Variants in HGSNAT observed in about 807,000 individuals in gnomAD.
HGSNAT encodes transmembrane protein 76.
Under a neutral mutation model 85.2 loss-of-function variants are expected in HGSNAT, and 59 were observed. That is an observed-to-expected ratio of 0.69 (90% CI 0.56 to 0.86). HGSNAT has a LOEUF of 0.86. HGSNAT is among the 40% of genes least tolerant of loss of function. The pLI is 0.00. For missense variants in HGSNAT, 756 were observed against 777.1 expected (o/e 0.97, Z 0.32); for synonymous variants, 321 against 304.5 (o/e 1.05, Z -0.56).
At chr8:43,174,539 A>G (rs1215615794) in intron 9 of HGSNAT, among the ~76,000 whole-genome samples, 1 of 152,174 alleles carries the variant, frequency 6.6e-6, no homozygotes, top group African/African-American at 2.4e-5. Flanking sequence ...GTGATGTGGA[A>G]TTTGTATCTT....
intron 1 of HGSNAT, among the ~76,000 whole-genome samples, chr8:43,142,970 C>G (rs1331351916): frequency 6.6e-6 from 1 of 152,138 alleles, no homozygotes; most frequent in Non-Finnish European, 1.5e-5. Flanking sequence ...AGGAAAAGCT[C>G]ATGGCTTCAT....
intron 10 of HGSNAT, among the ~76,000 whole-genome samples, chr8:43,181,105 G>C (rs1804085761): frequency 8.7e-3 from 3 of 346 alleles, no homozygotes; most frequent in Middle Eastern, 0.5. Context: ...GAGGGAGAGG[G>C]AGAGGGAGAG....
chr8:43,176,427 C>A (rs2130762222), intron 9 of HGSNAT, among the ~76,000 whole-genome samples: 1 of 152,270 alleles, frequency 6.6e-6, no homozygotes, highest in African/African-American at 2.4e-5. Context: ...TATGCCACTA[C>A]CATGCTGTTT....
chr8:43,190,465 A>T (rs1804489924), intron 11 of HGSNAT, among the ~76,000 whole-genome samples: 2 of 152,116 alleles, frequency 1.3e-5, no homozygotes, highest in African/African-American at 2.4e-5. Context: ...CTTGTCATTA[A>T]TGTGTCCTCT....
intron 2 of HGSNAT, among the ~76,000 whole-genome samples, chr8:43,156,351 G>A (rs537982689): frequency 2.6e-5 from 4 of 152,050 alleles, no homozygotes; most frequent in Admixed American, 2.6e-4. Context: ...TTTCGCCCAG[G>A]CTGGAGAGAA....
chr8:43,185,045 T>C (rs1417231871), intron 11 of HGSNAT, among the ~76,000 whole-genome samples: 1 of 152,208 alleles, frequency 6.6e-6, no homozygotes, highest in Non-Finnish European at 1.5e-5. Context: ...TGTAGCCTTG[T>C]AGTATAGTTT....
At position 43,169,256 on chromosome 8, in the gene HGSNAT, T is replaced by A; in HGVS notation, c.633+14T>A. 6.5e-7 allele frequency: 1 copy of A among 1,528,504 alleles called. No individual in the cohort carries two copies. The highest frequency in any genetic ancestry group is 8.9e-7 in the Non-Finnish European group (1 of 1,117,338). 94.7% of individuals were successfully genotyped at this position (1,528,504 alleles called of 1,614,324 possible). ...CTCATCAATTCTGTAAGTTATGAGATGCATAGTGTATTGCCCAGGTGGTTT... is the reference window on the plus strand; with the variant it reads ...CTCATCAATTCTGTAAGTTATGAGAAGCATAGTGTATTGCCCAGGTGGTTT... On this transcript the variant is annotated intron_variant, in intron 6 of 17. Transcript: ENST00000379644.
At chr8:43,169,131 G>T (rs1295899367) in intron 5 of HGSNAT, 42 bp from the exon 6 acceptor site, 1 of 1,228,462 alleles carries the variant, frequency 8.1e-7, no homozygotes, top group East Asian at 2.6e-5. Flanking sequence ...AAAAAATTCT[G>T]CCAATGAAAA....
At position 43,191,554 on chromosome 8, in the gene HGSNAT, G is replaced by T. The variant is rs764206492; in HGVS notation, c.1209G>T (p.Trp403Cys). Residue 403 changes from tryptophan to cysteine, a missense_variant, in exon 12 of 18, where the codon TGG becomes TGT. Physicochemically the swap from Trp to Cys is radical, Grantham distance 215. Transcript: ENST00000379644. ...TCATCCTGGTGCTGGAAGGCCTGTG[G>T]CTGGGCTTGACATTCCTCCTGCCAG... Reference protein sequence around the residue: ...WLLILVLEGLWLGLTFLLPVP... With the variant: ...WLLILVLEGLCLGLTFLLPVP... The T allele has an allele frequency of 3.9e-5, 63 of 1,613,882 alleles. No individual in the cohort carries two copies. Among genetic ancestry groups the T allele is most frequent in the Non-Finnish European group, 5.0e-5 (59 of 1,179,906 alleles).
Position 43,178,140 on chromosome 8 carries a change from A to G in HGSNAT, c.918A>G (p.Ser306=), listed in dbSNP as rs1465766340. The change falls in exon 10 of 18, where the codon TCA becomes TCG. Residue 306 remains serine (S), a synonymous_variant. Transcript: ENST00000379644. ...SMTSILQRGC[S]KFRLLGKIAW... is the part of the protein sequence containing the mutation. ...CTTCTATACTGCAACGGGGGTGTTC[A>G]AAATTCAGATTGCTGGGGAAGATTG... The G allele has an allele frequency of 1.2e-6, 2 of 1,607,672 alleles. No individual in the cohort carries two copies. Among genetic ancestry groups the G allele is most frequent in the Admixed American group, 3.4e-5 (2 of 58,712 alleles).
chr8:43,186,168 T>G (rs1039525663), intron 11 of HGSNAT, among the ~76,000 whole-genome samples: 2 of 152,166 alleles, frequency 1.3e-5, no homozygotes, highest in Non-Finnish European at 2.9e-5. Context: ...GAGTTAGGGT[T>G]GATTCCCTCT....
chr8:43,196,999 C>T lies in HGSNAT; in HGVS notation c.1516C>T (p.Arg506Ter), dbSNP rs747240928. ...YKARTKDILIRFTAWCCILGL... is the reference protein window; with the variant it reads ...YKARTKDILI ...GGCTCGGACCAAAGACATCCTGATT[C>T]GATTCACTGCTTGGTGTTGTATTCT... Residue 506 changes from arginine to a stop codon, truncating the protein, a stop_gained, in exon 15 of 18, where the codon CGA becomes TGA. Transcript: ENST00000379644. LOFTEE classifies it high-confidence loss of function. 1.1e-5 allele frequency: 17 copies of T among 1,611,404 alleles called. No homozygotes were observed. Among genetic ancestry groups the T allele is most frequent in the Non-Finnish European group, 1.3e-5 (15 of 1,177,826 alleles).
chr8:43,163,536 T>C (rs78623069), intron 5 of HGSNAT, among the ~76,000 whole-genome samples: 3 of 150,616 alleles, frequency 2.0e-5, no homozygotes, highest in Non-Finnish European at 4.4e-5. Flanking sequence ...TTTTTTTTTT[T>C]AATTTTTTGA....
At chr8:43,174,627 A>T (rs1206067041) in intron 9 of HGSNAT, among the ~76,000 whole-genome samples, 1 of 152,126 alleles carries the variant, frequency 6.6e-6, no homozygotes, top group Non-Finnish European at 1.5e-5. Flanking sequence ...TTTATTTCAA[A>T]TTTTAAATTT....
intron 2 of HGSNAT, among the ~76,000 whole-genome samples, chr8:43,149,396 A>G (rs1401069256): frequency 1.3e-5 from 2 of 152,108 alleles, no homozygotes; most frequent in Non-Finnish European, 2.9e-5. Flanking sequence ...TTGAAATTTA[A>G]TGATAATTTT....
chr8:43,177,998 C>A, intron 9 of HGSNAT, 76 bp from the exon 10 acceptor site: 2 of 1,128,542 alleles, frequency 1.8e-6, no homozygotes, highest in African/African-American at 1.5e-5. Context: ...TCTTTTATAG[C>A]ATATTATAAA....
chr8:43,192,498 G>A, intron 13 of HGSNAT, 68 bp downstream of exon 13: 1 of 1,503,414 alleles, frequency 6.7e-7, no homozygotes, highest in South Asian at 1.3e-5. Context: ...AGTAGAAAGA[G>A]CCAGCAAACG....
rs1803171896 is a variant in HGSNAT, at chr8:43,158,697, G to T, written c.357G>T (p.Glu119Asp). 2 of 1,603,846 alleles carry T rather than the reference G, an allele frequency of 1.2e-6. No homozygotes were observed. The highest frequency in any genetic ancestry group is 1.7e-6 in the Non-Finnish European group (2 of 1,174,708). ...SILQLNDTLEEKEVCRLEYRF... is the reference protein window; with the variant it reads ...SILQLNDTLEDKEVCRLEYRF... Reference sequence around the variant, plus strand: ...TGCAGCTGAACGACACCTTGGAAGAGAAAGAAGTTTGTAGGTTTGTGCCTG... The same window carrying T: ...TGCAGCTGAACGACACCTTGGAAGATAAAGAAGTTTGTAGGTTTGTGCCTG... Residue 119 changes from glutamate (E) to aspartate (D), a missense_variant, in exon 3 of 18, where the codon GAG becomes GAT. Glu to Asp is a conservative substitution (Grantham distance 45). Transcript: ENST00000379644.
intron 11 of HGSNAT, 176 bp downstream of exon 11, chr8:43,182,436 C>A: frequency 1.5e-6 from 1 of 671,864 alleles, no homozygotes; most frequent in East Asian, 2.8e-5. Context: ...CCATGCCTGG[C>A]CAGAAACTGT....
Sources: allele counts gnomAD v4.1 joint callset (sites outside exome capture counted in the v4.1 genomes callset), GRCh38; gene constraint gnomAD v4.1.1; transcripts MANE v1.5; gene names NCBI Gene and HGNC (gene_info 2026-07-23, HGNC 2026-07-21).